PLEK: variants seen among roughly 807,000 people sequenced by gnomAD.
PLEK encodes pleckstrin.
PLEK carries 25 observed loss-of-function variants against 43.9 expected under a neutral mutation model. The observed-to-expected ratio is 0.57, with a 90% CI of 0.41 to 0.79. The LOEUF (loss-of-function observed/expected upper bound fraction) is 0.79. Ranked by LOEUF, PLEK falls within the 30% of genes least tolerant of loss-of-function variation. PLEK has a pLI of 0.00. For synonymous variants in PLEK, 152 were observed against 144.4 expected, an observed-to-expected ratio of 1.05 and a Z score of -0.38; for missense variants, 396 against 413.3, an observed-to-expected ratio of 0.96 and a Z score of 0.36.
chr2:68,365,340 T>C lies in PLEK; in HGVS notation c.-12T>C. On this transcript the variant is annotated 5_prime_UTR_variant, in exon 1 of 9. Transcript: ENST00000234313. Reference sequence around the variant, plus strand: ...CCTGAGAGTGACCTTTGCATCTGCCTGTCCAGCCAGCATGGAACCAAAGCG... The same window carrying C: ...CCTGAGAGTGACCTTTGCATCTGCCCGTCCAGCCAGCATGGAACCAAAGCG... The C allele has an allele frequency of 6.2e-7, 1 of 1,613,224 alleles. No individual in the cohort carries two copies. The highest frequency in any genetic ancestry group is 1.1e-5 in the South Asian group (1 of 91,076).
At position 68,395,767 on chromosome 2, in the gene PLEK, G is replaced by A. The variant is rs185908473; in HGVS notation, c.1004G>A (p.Arg335His). The change falls in exon 9 of 9, where the codon CGC becomes CAC. Residue 335 changes from arginine (R) to histidine (H), a missense_variant. By Grantham distance (29) the Arg-to-His change is conservative. Coordinates refer to ENST00000234313, the MANE Select transcript of PLEK (RefSeq NM_002664.3). The part of the protein sequence containing the change: ...YFLQAATPKE[R>H]TEWIRAIQMA... Reference sequence around the variant, plus strand: ...TTGCAAGCAGCCACCCCCAAGGAGCGCACAGAGTGGATCAGAGCCATCCAG... The same window carrying A: ...TTGCAAGCAGCCACCCCCAAGGAGCACACAGAGTGGATCAGAGCCATCCAG... 3.5e-5 allele frequency: 57 copies of A among 1,613,550 alleles called. No homozygotes were observed. The highest frequency in any genetic ancestry group is 2.8e-4 in the African/African-American group (21 of 75,000).
At chr2:68,366,980 A>G (rs1673287118) in intron 1 of PLEK, among the ~76,000 whole-genome samples, 1 of 152,228 alleles carries the variant, frequency 6.6e-6, no homozygotes, top group South Asian at 2.1e-4. Context: ...TAATAAGTGA[A>G]GCTGTCTCAC....
At chr2:68,386,414 G>T (rs750413962) in intron 4 of PLEK, 88 bp from the exon 5 acceptor site, 1 of 958,594 alleles carries the variant, frequency 1.0e-6, no homozygotes, top group South Asian at 1.6e-5. Flanking sequence ...TCAGACCTGT[G>T]GGTGAGCTGG....
chr2:68,372,121 C>G (rs546256531), intron 1 of PLEK, among the ~76,000 whole-genome samples: 15 of 151,886 alleles, frequency 9.9e-5, no homozygotes, highest in African/African-American at 2.7e-4. Flanking sequence ...ATACAAATAT[C>G]TATGCATTTT....
chr2:68,378,264 A>T (rs1673544074), intron 1 of PLEK, among the ~76,000 whole-genome samples: 1 of 152,208 alleles, frequency 6.6e-6, no homozygotes. Flanking sequence ...TACAACTAAT[A>T]AGTGGTTGAC....
chr2:68,381,851 G>T (rs371948047), intron 3 of PLEK, among the ~76,000 whole-genome samples: 1 of 152,190 alleles, frequency 6.6e-6, no homozygotes, highest in East Asian at 1.9e-4. Context: ...TGCAGCTGCT[G>T]ATGGGGGCCA....
intron 8 of PLEK, 87 bp downstream of exon 8, chr2:68,394,263 A>G (rs572295837): frequency 1.5e-5 from 12 of 823,024 alleles, no homozygotes; most frequent in Admixed American, 6.9e-5. Context: ...TAATCAATCA[A>G]TCAATTAATC....
At chr2:68,393,708 T>C (rs554413549) in intron 7 of PLEK, among the ~76,000 whole-genome samples, 1 of 152,300 alleles carries the variant, frequency 6.6e-6, no homozygotes, top group South Asian at 2.1e-4. Flanking sequence ...GGTAGGGTGC[T>C]CACCCTCCGC....
intron 8 of PLEK, among the ~76,000 whole-genome samples, chr2:68,394,648 T>C (rs1331907126): frequency 6.6e-6 from 1 of 152,198 alleles, no homozygotes; most frequent in African/African-American, 2.4e-5. Flanking sequence ...TGGATGGCTT[T>C]GTGGATGCCT....
chr2:68,373,152 C>T (rs558064823), intron 1 of PLEK, among the ~76,000 whole-genome samples: 81 of 152,104 alleles, frequency 5.3e-4, no homozygotes, highest in Non-Finnish European at 1.0e-3. Context: ...AGGAGAGGTG[C>T]TGCCAGGTTA....
At chr2:68,390,822 A>G (rs954543230) in intron 6 of PLEK, among the ~76,000 whole-genome samples, 1 of 152,206 alleles carries the variant, frequency 6.6e-6, no homozygotes, top group Non-Finnish European at 1.5e-5. Flanking sequence ...TTCTCATCCC[A>G]GGATAAATAA....
chr2:68,390,928 GC>G (rs1227692729), intron 6 of PLEK, among the ~76,000 whole-genome samples: 1 of 152,148 alleles, frequency 6.6e-6, no homozygotes, highest in Non-Finnish European at 1.5e-5. Context: ...AATGAATAAA[GC>G]ATCTGCTTGT....
chr2:68,386,679 A>G lies in PLEK; in HGVS notation c.650A>G (p.Tyr217Cys). ...TTCCTGGACAACCCTGATGCCTTCT[A>G]CTACTTTGTAAGAAAAGCTCCCCAT... The part of the protein sequence containing the change: ...NPFLDNPDAF[Y>C]YFPDSGFFCE... The change falls in exon 5 of 9, where the codon TAC becomes TGC. Residue 217 changes from tyrosine (Y) to cysteine (C), a missense_variant. Tyr to Cys is a radical substitution (Grantham distance 194). Transcript: ENST00000234313. The G allele has an allele frequency of 2.5e-6, 4 of 1,611,794 alleles. No homozygotes were observed. The highest frequency in any genetic ancestry group is 3.4e-6 in the Non-Finnish European group (4 of 1,178,208).
chr2:68,369,326 C>T (rs964462314), intron 1 of PLEK, among the ~76,000 whole-genome samples: 5 of 152,142 alleles, frequency 3.3e-5, no homozygotes, highest in African/African-American at 1.2e-4. Flanking sequence ...AGCAGTGTGG[C>T]CCCAGTATCA....
intron 1 of PLEK, among the ~76,000 whole-genome samples, chr2:68,377,805 G>A (rs546618540): frequency 6.6e-6 from 1 of 152,208 alleles, no homozygotes; most frequent in Middle Eastern, 3.4e-3. Flanking sequence ...TTTTTGCTTT[G>A]GTTGTCTGTG....
chr2:68,373,649 T>C (rs4671207), intron 1 of PLEK, among the ~76,000 whole-genome samples: 79,945 of 151,744 alleles, frequency 0.53, 22,595 homozygotes, highest in East Asian at 0.76. Flanking sequence ...CTTTGTCTAC[T>C]GAAGGCATGC....
chr2:68,386,647 A>G lies in PLEK; in HGVS notation c.618A>G (p.Glu206=), dbSNP rs1417258296. ...AGAGTGCAGTGGATGGAACTGCTGA[A>G]AACCCTTTCCTGGACAACCCTGATG... ...MSKSAVDGTA[E]NPFLDNPDAF... Residue 206 remains glutamate (E), a synonymous_variant, in exon 5 of 9, where the codon GAA becomes GAG. Coordinates refer to ENST00000234313, the MANE Select transcript of PLEK (RefSeq NM_002664.3). 3 of 1,613,854 alleles carry G rather than the reference A, an allele frequency of 1.9e-6. No individual in the cohort carries two copies. Among genetic ancestry groups the G allele is most frequent in the South Asian group, 2.2e-5 (2 of 91,064 alleles).
rs149174667 is a variant in PLEK, at chr2:68,390,017, C to T, written c.762+1526C>T. Among the ~76,000 whole-genome samples, 576 of 128,858 alleles carry T rather than the reference C, an allele frequency of 4.5e-3. 2 individuals carry two copies. The highest frequency in any genetic ancestry group is 0.018 in the African/African-American group (557 of 31,710). 84.5% of individuals were successfully genotyped at this position (128,858 alleles called of 152,430 possible). A position where few individuals can be genotyped will look rare whatever the true frequency, so the allele number is the denominator to read the frequency against. ...GCAAACCCTAATCTAGAATGGGGCT[C>T]TTGGAAAGCCAAGGATGAAGGCTAA... On this transcript the variant is annotated intron_variant, in intron 6 of 8. Coordinates refer to ENST00000234313, the MANE Select transcript of PLEK (RefSeq NM_002664.3).
intron 1 of PLEK, among the ~76,000 whole-genome samples, chr2:68,377,249 T>C (rs1009548492): frequency 6.6e-6 from 1 of 152,194 alleles, no homozygotes; most frequent in Non-Finnish European, 1.5e-5. Context: ...AGATATCTCA[T>C]CCATATACCG....
Sources: allele counts gnomAD v4.1 joint callset (sites outside exome capture counted in the v4.1 genomes callset), GRCh38; gene constraint gnomAD v4.1.1; transcripts MANE v1.5; gene names NCBI Gene and HGNC (gene_info 2026-07-23, HGNC 2026-07-21).